SETD2: variants seen among roughly 807,000 people sequenced by gnomAD.
The protein encoded by SETD2 is SET domain containing 2, histone lysine methyltransferase.
A neutral mutation model predicts 242.1 loss-of-function variants in SETD2; 31 were observed. The ratio of observed to expected loss-of-function variants is 0.13; its 90% confidence interval spans 0.10 to 0.17. The LOEUF (loss-of-function observed/expected upper bound fraction) is 0.17. Among genes scored for constraint, SETD2 ranks in the 10% least tolerant of loss-of-function variants. SETD2 has a pLI of 1.00. For synonymous variants in SETD2, 1,006 were observed against 1,066.5 expected, an observed-to-expected ratio of 0.94 and a Z score of 1.11; for missense variants, 2,481 against 3,046.3, an observed-to-expected ratio of 0.81 and a Z score of 4.37.
intron 5 of SETD2, among the ~76,000 whole-genome samples, chr3:47,107,720 CGGGGGGGG>C (rs1184327932): frequency 7.7e-6 from 1 of 129,770 alleles, no homozygotes; most frequent in Non-Finnish European, 1.7e-5. Context: ...CTTTGGGTGG[CGGGGGGGG>C]GTGGGGGGGG....
intron 13 of SETD2, among the ~76,000 whole-genome samples, chr3:47,066,234 A>G (rs1157122598): frequency 1.3e-5 from 2 of 152,256 alleles, no homozygotes; most frequent in Non-Finnish European, 2.9e-5. Context: ...CATAATACAC[A>G]TAACATACAT....
intron 5 of SETD2, among the ~76,000 whole-genome samples, chr3:47,112,793 T>C (rs1350422381): frequency 6.6e-6 from 1 of 152,178 alleles, no homozygotes; most frequent in Non-Finnish European, 1.5e-5. Flanking sequence ...TTTCGCCATG[T>C]TGGCCAGGCT....
In SETD2 at chr3:47,057,305, G is replaced by A. The variant is rs745996964; in HGVS notation, c.6479C>T (p.Pro2160Leu). 15 of 1,614,166 alleles carry A rather than the reference G, an allele frequency of 9.3e-6. No individual in the cohort carries two copies. Among genetic ancestry groups the A allele is most frequent in the Non-Finnish European group, 1.2e-5 (14 of 1,180,022 alleles). ...TGGGTAACCAGCAAAGGGATGATGCGGGGCATTATAACCAAGAGAGTCATA... is the reference window on the plus strand; with the variant it reads ...TGGGTAACCAGCAAAGGGATGATGCAGGGCATTATAACCAAGAGAGTCATA... ...LPYDSLGYNA[P>L]HHPFAGYPPG... The change falls in exon 15 of 21, where the codon CCG becomes CTG. Residue 2160 changes from proline (P) to leucine (L), a missense_variant. By Grantham distance (98) the Pro-to-Leu change is moderately conservative. This residue lies in a region of SETD2 where 45 missense variants were observed against 62.8 expected (regional missense o/e 0.72). Transcript: ENST00000409792.
At position 47,124,146 on chromosome 3, in the gene SETD2, C is replaced by G; in HGVS notation, c.490G>C (p.Ala164Pro). Reference protein sequence around the residue: ...RPLLATTTAVASPPTHAAPLP... With the variant: ...RPLLATTTAVPSPPTHAAPLP... ...GGTGCTGCATGAGTAGGTGGAGATG[C>G]TACTGCTGTGGTAGTAGCCAGCAGT... Residue 164 changes from alanine to proline, a missense_variant, in exon 3 of 21, where the codon GCA (alanine) becomes CCA (proline). By Grantham distance (27) the Ala-to-Pro change is conservative. Coordinates refer to ENST00000409792, the MANE Select transcript of SETD2 (RefSeq NM_014159.7). 1 of 1,551,970 alleles carries G rather than the reference C, an allele frequency of 6.4e-7. No individual in the cohort carries two copies. Among genetic ancestry groups the G allele is most frequent in the Non-Finnish European group, 8.7e-7 (1 of 1,147,046 alleles).
chr3:47,084,184 T>A lies in SETD2; in HGVS notation c.5596A>T (p.Thr1866Ser). The change falls in exon 12 of 21, where the codon ACA becomes TCA. Residue 1866 changes from threonine (T) to serine (S), a missense_variant. Thr to Ser is a moderately conservative substitution (Grantham distance 58). Around this residue, in one of 17 missense-constraint regions of SETD2, gnomAD observed 203 missense variants for 222.4 expected, o/e 0.91. Transcript: ENST00000409792. ...NTPDPSTKLSTEADTDTPKKL... is the reference protein window; with the variant it reads ...NTPDPSTKLSSEADTDTPKKL... The stretch of plus-strand genomic sequence containing the variant: ...TTGGGAGTGTCTGTGTCAGCTTCTG[T>A]GCTCAGCTTGGTGGAAGGATCAGGT... The A allele has an allele frequency of 6.2e-7, 1 of 1,614,156 alleles. No individual in the cohort carries two copies. The highest frequency in any genetic ancestry group is 1.3e-5 in the African/African-American group (1 of 75,042).
intron 1 of SETD2, 160 bp downstream of exon 1, chr3:47,163,694 G>C (rs968593179): frequency 1.8e-6 from 1 of 554,574 alleles, no homozygotes; most frequent in South Asian, 9.2e-5. Flanking sequence ...CAAGCGGCTC[G>C]AAGTGGCGGC....
At chr3:47,069,518 T>C (rs950851281) in intron 12 of SETD2, among the ~76,000 whole-genome samples, 1 of 152,188 alleles carries the variant, frequency 6.6e-6, no homozygotes, top group Non-Finnish European at 1.5e-5. Flanking sequence ...GCTCCTCAGA[T>C]GATTCTGATG....
intron 9 of SETD2, among the ~76,000 whole-genome samples, chr3:47,089,433 T>G (rs1421615498): frequency 6.6e-6 from 1 of 152,108 alleles, no homozygotes; most frequent in Non-Finnish European, 1.5e-5. Context: ...GGTGACACAG[T>G]GAAATCCTGT....
At position 47,123,448 on chromosome 3, in the gene SETD2, T is replaced by C. The variant is rs781096420; in HGVS notation, c.1188A>G (p.Ser396=). The change falls in exon 3 of 21, where the codon TCA becomes TCG. Residue 396 remains serine, a synonymous_variant. Transcript: ENST00000409792. The part of the protein sequence containing the change: ...DTRYVSSRCR[S]ERERRRSRSH... ...ATCTGCTCCGCCGTCGCTCTCTTTCTGATCTACATCGGGAAGATACATACC... is the reference window on the plus strand; with the variant it reads ...ATCTGCTCCGCCGTCGCTCTCTTTCCGATCTACATCGGGAAGATACATACC... 1 of 1,551,528 alleles carries C rather than the reference T, an allele frequency of 6.4e-7. No individual in the cohort carries two copies. Among genetic ancestry groups the C allele is most frequent in the South Asian group, 1.2e-5 (1 of 84,058 alleles).
intron 12 of SETD2, chr3:47,080,803 A>C (rs1305178346): frequency 1.0e-6 from 1 of 986,006 alleles, no homozygotes. Flanking sequence ...TAGCTCACTT[A>C]ATCCTTTCTC....
At chr3:47,104,262 C>T (rs1339925748) in intron 6 of SETD2, among the ~76,000 whole-genome samples, 1 of 152,040 alleles carries the variant, frequency 6.6e-6, no homozygotes, top group Admixed American at 6.6e-5. Flanking sequence ...TTTTCCAAGG[C>T]CAGGCACAGT....
intron 18 of SETD2, among the ~76,000 whole-genome samples, chr3:47,024,944 A>C (rs1417468643): frequency 6.6e-6 from 1 of 152,194 alleles, no homozygotes; most frequent in Non-Finnish European, 1.5e-5. Flanking sequence ...AATGGATGGA[A>C]AAGAGAAAAG....
At chr3:47,133,070 T>C (rs567067413) in intron 1 of SETD2, among the ~76,000 whole-genome samples, 1 of 152,312 alleles carries the variant, frequency 6.6e-6, no homozygotes, top group East Asian at 1.9e-4. Context: ...GCATCATGTC[T>C]GCAAATTTCC....
chr3:47,102,503 A>C (rs1198442920), intron 7 of SETD2, among the ~76,000 whole-genome samples: 1 of 152,224 alleles, frequency 6.6e-6, no homozygotes, highest in Non-Finnish European at 1.5e-5. Flanking sequence ...AAAAAGTTAC[A>C]ATCCCAGCTG....
rs1026563676 is a variant in SETD2, at chr3:47,038,473, G to C, written c.7239-696C>G. Among the ~76,000 whole-genome samples, 6 of 152,132 alleles carry C rather than the reference G, an allele frequency of 3.9e-5. No homozygotes were observed. The East Asian group carries it at 1.2e-3, about 29-fold the overall frequency. ...TACTATAAATACAAAAAATTTGCCA[G>C]TCGTGGTGGCGGGCGCCTGTAATCC... is the stretch of plus-strand genomic sequence containing the variant. On this transcript the variant is annotated intron_variant, in intron 17 of 20. Coordinates refer to ENST00000409792, the MANE Select transcript of SETD2 (RefSeq NM_014159.7).
Position 47,154,767 on chromosome 3 carries a change from A to G in SETD2, c.71+9087T>C, listed in dbSNP as rs189717923. ...CCAACACTTTGGGAGGCTGAGACGGACGGATCACAAGGTCAGGAGATCGAG... is the reference window on the plus strand; with the variant it reads ...CCAACACTTTGGGAGGCTGAGACGGGCGGATCACAAGGTCAGGAGATCGAG... On this transcript the variant is annotated intron_variant, in intron 1 of 20. Coordinates refer to ENST00000409792, the MANE Select transcript of SETD2 (RefSeq NM_014159.7). 2.8e-3 allele frequency among the ~76,000 whole-genome samples: 424 copies of G among 152,198 alleles called. 2 individuals are homozygous for G. The highest frequency in any genetic ancestry group is 4.1e-3 in the Non-Finnish European group (281 of 68,008).
At chr3:47,147,651 C>T (rs376809810) in intron 1 of SETD2, among the ~76,000 whole-genome samples, 3 of 149,396 alleles carry the variant, frequency 2.0e-5, no homozygotes, top group African/African-American at 7.3e-5. Flanking sequence ...AGGCCGGGCG[C>T]GGTGGCTCAC....
chr3:47,104,678 T>C (rs1409791267), intron 6 of SETD2, among the ~76,000 whole-genome samples: 2 of 152,158 alleles, frequency 1.3e-5, no homozygotes, highest in Admixed American at 6.5e-5. Flanking sequence ...CAAAACAACA[T>C]ACAAGGAAAC....
chr3:47,073,709 A>C (rs2040927864), intron 12 of SETD2, among the ~76,000 whole-genome samples: 1 of 152,214 alleles, frequency 6.6e-6, no homozygotes, highest in African/African-American at 2.4e-5. Context: ...ATATGAACAA[A>C]GTTCTTAAAG....
Sources: gnomAD v4.1 joint callset for allele counts (sites outside exome capture counted in the v4.1 genomes callset) on GRCh38, gnomAD v4.1.1 for gene constraint, gnomAD v4.1.1 regional missense constraint, MANE v1.5 for transcripts, NCBI Gene and HGNC (gene_info 2026-07-23, HGNC 2026-07-21) for gene names.